Variants in CHCHD6 observed in about 807,000 individuals in gnomAD.
The protein encoded by CHCHD6 is coiled-coil-helix-coiled-coil-helix domain containing 6, also known as MICOS complex subunit MIC25.
CHCHD6 carries 28 observed loss-of-function variants against 32.3 expected under a neutral mutation model. That is an observed-to-expected ratio of 0.87 (90% CI 0.64 to 1.19). CHCHD6 has a LOEUF of 1.19. Among genes scored for constraint, CHCHD6 ranks in the 50% most tolerant of loss-of-function variants. CHCHD6 has a pLI of 0.00. For missense variants in CHCHD6, 333 were observed against 307.0 expected, an observed-to-expected ratio of 1.08 and a Z score of -0.63; for synonymous variants, 122 against 117.5, an observed-to-expected ratio of 1.04 and a Z score of -0.25.
chr3:126,836,610 T>C (rs1306838844), intron 4 of CHCHD6, among the ~76,000 whole-genome samples: 1 of 152,216 alleles, frequency 6.6e-6, no homozygotes, highest in Non-Finnish European at 1.5e-5. Flanking sequence ...ACAATTTTGG[T>C]ACTGAAGACA....
intron 1 of CHCHD6, among the ~76,000 whole-genome samples, chr3:126,713,790 C>A (rs1934872086): frequency 6.6e-6 from 1 of 152,126 alleles, no homozygotes; most frequent in Admixed American, 6.5e-5. Context: ...GTTTTTCTTG[C>A]CTCAAACTAT....
At chr3:126,817,252 G>A (rs1939947247) in intron 4 of CHCHD6, among the ~76,000 whole-genome samples, 3 of 151,980 alleles carry the variant, frequency 2.0e-5, no homozygotes, top group Admixed American at 1.3e-4. Flanking sequence ...GAAGCCAGCA[G>A]ATCCTTGTAG....
At chr3:126,843,189 GTCT>G (rs1186307366) in intron 4 of CHCHD6, among the ~76,000 whole-genome samples, 14 of 152,040 alleles carry the variant, frequency 9.2e-5, no homozygotes, top group African/African-American at 3.4e-4. Context: ...TCGTATGATT[GTCT>G]TCTTATTCTT....
intron 4 of CHCHD6, among the ~76,000 whole-genome samples, chr3:126,807,784 G>A (rs1939466700): frequency 1.3e-5 from 2 of 152,146 alleles, no homozygotes; most frequent in African/African-American, 2.4e-5. Context: ...ATTATCTCCT[G>A]CTGTATAACA....
intron 6 of CHCHD6, among the ~76,000 whole-genome samples, chr3:126,942,664 C>T (rs1247772434): frequency 7.2e-5 from 11 of 151,934 alleles, no homozygotes; most frequent in Non-Finnish European, 1.0e-4. Flanking sequence ...CTTGTCCTTT[C>T]TCTGCCCCAG....
At chr3:126,792,712 C>T (rs370770671) in intron 4 of CHCHD6, among the ~76,000 whole-genome samples, 90 of 152,202 alleles carry the variant, frequency 5.9e-4, no homozygotes, top group African/African-American at 2.1e-3. Flanking sequence ...ATGTTTGAAA[C>T]TAATGTTTAT....
At chr3:126,804,480 C>T (rs969754779) in intron 4 of CHCHD6, among the ~76,000 whole-genome samples, 2 of 152,168 alleles carry the variant, frequency 1.3e-5, no homozygotes, top group African/African-American at 4.8e-5. Flanking sequence ...GGATAAATTC[C>T]TCGACACATA....
At chr3:126,834,439 A>G (rs996239745) in intron 4 of CHCHD6, among the ~76,000 whole-genome samples, 27 of 152,192 alleles carry the variant, frequency 1.8e-4, no homozygotes, top group African/African-American at 6.5e-4. Context: ...TATCATAAGC[A>G]GAGGGAATTA....
chr3:126,741,708 CT>C, intron 4 of CHCHD6, among the ~76,000 whole-genome samples: 1 of 152,280 alleles, frequency 6.6e-6, no homozygotes, highest in East Asian at 1.9e-4. Context: ...ATATGTATTT[CT>C]AACAGCCTCC....
At chr3:126,943,714 G>T (rs2078595452) in intron 6 of CHCHD6, among the ~76,000 whole-genome samples, 1 of 152,126 alleles carries the variant, frequency 6.6e-6, no homozygotes, top group African/African-American at 2.4e-5. Flanking sequence ...GTGTCTGAGA[G>T]CTCTTCTTTG....
chr3:126,941,111 C>T lies in CHCHD6; in HGVS notation c.567-16305C>T, dbSNP rs1200527039. The stretch of plus-strand genomic sequence containing the variant: ...TTCCACCCCAGTGAAGGTCTATAAT[C>T]GTATGCACCCATATTTTTAGGACAA... On this transcript the variant is annotated intron_variant, in intron 6 of 7. Transcript: ENST00000290913. Among the ~76,000 whole-genome samples, 3 of 152,304 alleles carry T rather than the reference C, an allele frequency of 2.0e-5. No homozygotes were observed. The East Asian group carries it at 5.8e-4, about 29-fold the overall frequency.
intron 6 of CHCHD6, among the ~76,000 whole-genome samples, chr3:126,934,525 T>TC (rs1475624589): frequency 0.013 from 1,240 of 98,422 alleles, 30 homozygotes; most frequent in African/African-American, 0.045. Context: ...GAATGCACCC[T>TC]CCCCTCTCTG....
chr3:126,959,246 C>T lies in CHCHD6; in HGVS notation c.703-950C>T, dbSNP rs112531942. On this transcript the variant is annotated intron_variant, in intron 7 of 7. Transcript: ENST00000290913. ...CTGCCAGGTCTGGCTCCCTCCTTCC[C>T]GGCCCCTACCCCTGACATGACTAGC... Among the ~76,000 whole-genome samples, 355 of 152,376 alleles carry T rather than the reference C, an allele frequency of 2.3e-3. 1 individual carries two copies. Among genetic ancestry groups the T allele is most frequent in the African/African-American group, 7.7e-3 (321 of 41,594 alleles).
chr3:126,786,658 C>G (rs1938227463), intron 4 of CHCHD6, among the ~76,000 whole-genome samples: 1 of 152,242 alleles, frequency 6.6e-6, no homozygotes, highest in Non-Finnish European at 1.5e-5. Flanking sequence ...ATCCTTCGCC[C>G]ACTTTTTGAT....
At chr3:126,938,811 CA>C (rs2107602162) in intron 6 of CHCHD6, among the ~76,000 whole-genome samples, 1 of 152,238 alleles carries the variant, frequency 6.6e-6, no homozygotes, top group South Asian at 2.1e-4. Flanking sequence ...TCTCTGCCTG[CA>C]GGGCCCAGGA....
intron 4 of CHCHD6, among the ~76,000 whole-genome samples, chr3:126,838,446 T>A (rs1160348276): frequency 6.6e-6 from 1 of 152,216 alleles, no homozygotes; most frequent in African/African-American, 2.4e-5. Flanking sequence ...ACAATGCCTG[T>A]TCAGCTCTGC....
chr3:126,752,750 G>C (rs1487654720), intron 4 of CHCHD6, among the ~76,000 whole-genome samples: 1 of 152,210 alleles, frequency 6.6e-6, no homozygotes, highest in Non-Finnish European at 1.5e-5. Context: ...GGCTTGCTGA[G>C]GAAGGGCCCG....
At position 126,905,269 on chromosome 3, in the gene CHCHD6, A is replaced by G. The variant is rs117295545; in HGVS notation, c.496-9411A>G. Among the ~76,000 whole-genome samples, 13 of 152,370 alleles carry G rather than the reference A, an allele frequency of 8.5e-5. No individual in the cohort carries two copies. In the East Asian group the frequency reaches 1.3e-3, roughly 16 times the overall value. ...TGATTGCAGTGGGAAATACCACTGA[A>G]AAGTGTGTCTTGGTACAGCACACTG... On this transcript the variant is annotated intron_variant, in intron 5 of 7. Transcript: ENST00000290913.
chr3:126,800,038 T>C lies in CHCHD6; in HGVS notation c.412-52609T>C, dbSNP rs149688887. ...TATTATTATATACTTATTTCCTGTTTTTAATATTAAAATCAACACTGTGCC... is the reference window on the plus strand; with the variant it reads ...TATTATTATATACTTATTTCCTGTTCTTAATATTAAAATCAACACTGTGCC... On this transcript the variant is annotated intron_variant, in intron 4 of 7. Coordinates refer to ENST00000290913, the MANE Select transcript of CHCHD6 (RefSeq NM_032343.3). Among the ~76,000 whole-genome samples, 77 of 152,362 alleles carry C rather than the reference T, an allele frequency of 5.1e-4. No homozygotes were observed. In the East Asian group the frequency reaches 0.014, roughly 29 times the overall value.
Sources: gnomAD v4.1 joint callset for allele counts (sites outside exome capture counted in the v4.1 genomes callset) on GRCh38, gnomAD v4.1.1 for gene constraint, MANE v1.5 for transcripts, NCBI Gene and HGNC (gene_info 2026-07-23, HGNC 2026-07-21) for gene names.